NALF1: variants seen among roughly 807,000 people sequenced by gnomAD.
The protein encoded by NALF1 is NALCN channel auxiliary factor 1.
In NALF1, 3 loss-of-function variants were observed where a neutral mutation model predicts 48.4. That is an observed-to-expected ratio of 0.06 (90% CI 0.03 to 0.16). NALF1 has a LOEUF of 0.16. Among genes scored for constraint, NALF1 ranks in the 10% least tolerant of loss-of-function variants. The probability of loss-of-function intolerance (pLI) is 1.00; values close to 1 mark genes in which losing one functional copy is unlikely to be tolerated. For missense variants in NALF1, 526 were observed against 571.5 expected (o/e 0.92, Z 0.81); for synonymous variants, 262 against 245.7 (o/e 1.07, Z -0.62).
At chr13:107,266,544 A>G (rs1315550418) in intron 1 of NALF1, among the ~76,000 whole-genome samples, 4 of 152,138 alleles carry the variant, frequency 2.6e-5, no homozygotes, top group Non-Finnish European at 5.9e-5. Context: ...TTCATTCTGT[A>G]GAAGAATTAG....
chr13:107,615,547 C>T (rs572215773), intron 1 of NALF1, among the ~76,000 whole-genome samples: 2 of 152,248 alleles, frequency 1.3e-5, no homozygotes, highest in South Asian at 2.1e-4. Context: ...AAATATTGAT[C>T]CCCTTCGCCT....
At chr13:107,777,747 A>G (rs1233220886) in intron 1 of NALF1, among the ~76,000 whole-genome samples, 9 of 152,310 alleles carry the variant, frequency 5.9e-5, no homozygotes, top group South Asian at 4.1e-4. Context: ...CAATGCAAGA[A>G]CGGCCTAATA....
chr13:107,833,327 C>A (rs1045003454), intron 1 of NALF1, among the ~76,000 whole-genome samples: 4 of 152,154 alleles, frequency 2.6e-5, no homozygotes, highest in Admixed American at 1.3e-4. Flanking sequence ...ATGAATACTA[C>A]TGGTATGATT....
intron 1 of NALF1, among the ~76,000 whole-genome samples, chr13:107,226,110 T>C (rs530542529): frequency 3.6e-4 from 55 of 152,084 alleles, no homozygotes; most frequent in Non-Finnish European, 6.6e-4. Flanking sequence ...AGGAAAACTA[T>C]TGACCTTGGT....
chr13:107,724,637 C>T (rs1876098104), intron 1 of NALF1, among the ~76,000 whole-genome samples: 1 of 151,204 alleles, frequency 6.6e-6, no homozygotes, highest in Non-Finnish European at 1.5e-5. Context: ...TCTCGGGTCA[C>T]TGCAGCCTTG....
At chr13:107,828,853 C>T (rs997598254) in intron 1 of NALF1, among the ~76,000 whole-genome samples, 3 of 152,106 alleles carry the variant, frequency 2.0e-5, no homozygotes, top group African/African-American at 7.2e-5. Context: ...CAAATAAAAA[C>T]ATGGTTTCAG....
At chr13:107,523,739 C>T (rs933513196) in intron 1 of NALF1, among the ~76,000 whole-genome samples, 1 of 151,804 alleles carries the variant, frequency 6.6e-6, no homozygotes, top group African/African-American at 2.4e-5. Flanking sequence ...ATGATGGGTA[C>T]ATTTAAGATA....
intron 1 of NALF1, among the ~76,000 whole-genome samples, chr13:107,392,625 G>A (rs4772878): frequency 0.1 from 15,145 of 152,144 alleles, 939 homozygotes; most frequent in South Asian, 0.22. Flanking sequence ...ATGGGCAGGT[G>A]TCTTTAGGGG....
chr13:107,556,306 C>T (rs1877478148), intron 1 of NALF1, among the ~76,000 whole-genome samples: 2 of 148,016 alleles, frequency 1.4e-5, no homozygotes, highest in East Asian at 2.0e-4. Flanking sequence ...TACACACACA[C>T]ACACACACAC....
At chr13:107,329,658 C>A (rs966738420) in intron 1 of NALF1, among the ~76,000 whole-genome samples, 4 of 146,638 alleles carry the variant, frequency 2.7e-5, no homozygotes, top group East Asian at 2.1e-4. Context: ...CCCCTCCCCC[C>A]ACGCCACAAC....
chr13:107,236,811 G>GA (rs973449706), intron 1 of NALF1, among the ~76,000 whole-genome samples: 2 of 151,538 alleles, frequency 1.3e-5, no homozygotes, highest in Non-Finnish European at 2.9e-5. Flanking sequence ...AAAATATTTG[G>GA]AAAAAAAGGA....
At chr13:107,831,810 CAGAGAACTTTCTAACATATT>C (rs1879741063) in intron 1 of NALF1, among the ~76,000 whole-genome samples, 1 of 152,186 alleles carries the variant, frequency 6.6e-6, no homozygotes, top group Non-Finnish European at 1.5e-5. Flanking sequence ...TCTGCCCAGA[CAGAGAACTTTCTAACATATT>C]TCAAAATATT....
At chr13:107,611,496 T>C (rs1179618606) in intron 1 of NALF1, among the ~76,000 whole-genome samples, 4 of 152,004 alleles carry the variant, frequency 2.6e-5, no homozygotes, top group Non-Finnish European at 4.4e-5. Context: ...AATATTATTG[T>C]AGCATTTAAA....
chr13:107,856,421 C>A (rs901566332), intron 1 of NALF1, among the ~76,000 whole-genome samples: 8 of 152,024 alleles, frequency 5.3e-5, no homozygotes, highest in African/African-American at 1.9e-4. Context: ...GTGTTTGTGA[C>A]CAGAAGAGAT....
intron 1 of NALF1, among the ~76,000 whole-genome samples, chr13:107,296,686 A>C (rs1881732922): frequency 6.6e-6 from 1 of 152,206 alleles, no homozygotes; most frequent in Non-Finnish European, 1.5e-5. Context: ...ACATTTATTA[A>C]GGAAAGACTC....
At chr13:107,750,310 G>C (rs991269912) in intron 1 of NALF1, among the ~76,000 whole-genome samples, 1 of 152,058 alleles carries the variant, frequency 6.6e-6, no homozygotes, top group African/African-American at 2.4e-5. Context: ...CTGTCAAAGC[G>C]AGTGTCTATC....
intron 1 of NALF1, among the ~76,000 whole-genome samples, chr13:107,469,904 C>T (rs1037479092): frequency 2.0e-5 from 3 of 151,614 alleles, no homozygotes; most frequent in Non-Finnish European, 4.4e-5. Context: ...CCACCACGCC[C>T]GGCTAATTTT....
rs376263445 is a variant in NALF1 at position 107,481,095 on chromosome 13, T to C, written c.916-270340A>G. On this transcript the variant is annotated intron_variant, in intron 1 of 2. Transcript: ENST00000375915. ...ATCTGAAGAGGTTTTGAGGCAGCCC[T>C]GGCTTTTTGAGGATGAAGATTTTTC... is the stretch of plus-strand genomic sequence containing the variant. Among the ~76,000 whole-genome samples, 14 of 152,300 alleles carry C rather than the reference T, an allele frequency of 9.2e-5. No individual in the cohort carries two copies. In the East Asian group the frequency reaches 2.1e-3, roughly 23 times the overall value.
At chr13:107,753,360 A>G (rs1431217638) in intron 1 of NALF1, among the ~76,000 whole-genome samples, 1 of 152,076 alleles carries the variant, frequency 6.6e-6, no homozygotes, top group African/African-American at 2.4e-5. Flanking sequence ...ATTACAATGA[A>G]TTTTTTCCCT....
Sources: gnomAD v4.1 joint callset for allele counts (sites outside exome capture counted in the v4.1 genomes callset) on GRCh38, gnomAD v4.1.1 for gene constraint, MANE v1.5 for transcripts, NCBI Gene and HGNC (gene_info 2026-07-23, HGNC 2026-07-21) for gene names.